IL1RAPL2: variants seen among roughly 807,000 people sequenced by gnomAD.
IL1RAPL2 encodes the protein X-linked interleukin-1 receptor accessory protein-like 2.
Under a neutral mutation model 44.1 loss-of-function variants are expected in IL1RAPL2, and 3 were observed. The ratio of observed to expected loss-of-function variants is 0.07; its 90% CI spans 0.03 to 0.18. The LOEUF is 0.18. IL1RAPL2 is among the 10% of genes least tolerant of loss of function. The pLI is 1.00. For missense variants in IL1RAPL2, 391 were observed against 496.4 expected (o/e 0.79, Z 2.02); for synonymous variants, 181 against 178.8 (o/e 1.01, Z -0.10).
At chrX:105,108,674 T>C (rs1442800378) in intron 2 of IL1RAPL2, among the ~76,000 whole-genome samples, 1 of 110,274 alleles carries the variant, frequency 9.1e-6, no homozygotes, top group Non-Finnish European at 1.9e-5. Flanking sequence ...AAATATACTT[T>C]GGCTATGTTA....
chrX:105,073,167 T>C (rs1482082770), intron 2 of IL1RAPL2, among the ~76,000 whole-genome samples: 11 of 101,235 alleles, frequency 1.1e-4, no homozygotes, highest in Non-Finnish European at 4.0e-5. Context: ...TAGCATTAGG[T>C]ATATCTCCTA....
At chrX:104,713,055 G>A (rs951324820) in intron 2 of IL1RAPL2, among the ~76,000 whole-genome samples, 7 of 110,992 alleles carry the variant, frequency 6.3e-5, no homozygotes, top group African/African-American at 2.3e-4. Flanking sequence ...TGTTTTAGGA[G>A]ACAAATGTCC....
intron 5 of IL1RAPL2, among the ~76,000 whole-genome samples, chrX:105,300,792 A>T (rs1216303635): frequency 1.8e-5 from 2 of 111,460 alleles, no homozygotes; most frequent in African/African-American, 6.5e-5. Context: ...AAAGGATCCT[A>T]GTAAACCAGT....
At chrX:104,742,084 C>T (rs1401283940) in intron 2 of IL1RAPL2, among the ~76,000 whole-genome samples, 10 of 110,931 alleles carry the variant, frequency 9.0e-5, no homozygotes, top group African/African-American at 3.3e-4. Flanking sequence ...ATTTAGTGAC[C>T]GTTTTGTCAT....
intron 2 of IL1RAPL2, among the ~76,000 whole-genome samples, chrX:105,027,798 A>G (rs1325564988): frequency 2.7e-5 from 3 of 111,637 alleles, no homozygotes; most frequent in Non-Finnish European, 5.7e-5. Context: ...AAATTGAGCT[A>G]CCATATGATC....
chrX:105,346,687 G>A (rs762162473), intron 5 of IL1RAPL2, among the ~76,000 whole-genome samples: 1 of 111,740 alleles, frequency 8.9e-6, no homozygotes, highest in African/African-American at 3.2e-5. Context: ...AGCTGAGATA[G>A]AGCTGGCTTT....
chrX:105,206,151 C>T (rs1293621172), intron 3 of IL1RAPL2, among the ~76,000 whole-genome samples: 1 of 111,304 alleles, frequency 9.0e-6, no homozygotes, highest in Non-Finnish European at 1.9e-5. Flanking sequence ...GATCATAGTA[C>T]CTACCTCAGA....
At chrX:105,103,713 G>T (rs1361869891) in intron 2 of IL1RAPL2, among the ~76,000 whole-genome samples, 1 of 111,384 alleles carries the variant, frequency 9.0e-6, no homozygotes, top group East Asian at 2.8e-4. Context: ...TAGGGTACTG[G>T]GACCAAGAAA....
intron 2 of IL1RAPL2, among the ~76,000 whole-genome samples, chrX:104,661,924 T>C (rs138175088): frequency 0.021 from 2,396 of 111,885 alleles, 33 homozygotes; most frequent in Non-Finnish European, 0.033. Flanking sequence ...GACTGTTTAG[T>C]GTCTGATGTG....
intron 5 of IL1RAPL2, among the ~76,000 whole-genome samples, chrX:105,332,714 T>C (rs1182545966): frequency 8.9e-6 from 1 of 112,102 alleles, no homozygotes; most frequent in Non-Finnish European, 1.9e-5. Context: ...GCATTTCTAA[T>C]GTCAACAGTT....
chrX:104,814,842 G>C (rs772492367), intron 2 of IL1RAPL2, among the ~76,000 whole-genome samples: 1 of 111,922 alleles, frequency 8.9e-6, no homozygotes, highest in African/African-American at 3.2e-5. Context: ...AGTTCTTTTT[G>C]GTTCTTATGC....
chrX:105,210,647 C>T (rs1258468260), intron 3 of IL1RAPL2, among the ~76,000 whole-genome samples: 1 of 111,565 alleles, frequency 9.0e-6, no homozygotes, highest in Non-Finnish European at 1.9e-5. Context: ...GGAAACCCTG[C>T]CCTAGAAGGA....
chrX:104,666,096 A>AGTGTGTGTGTGT (rs775436800), intron 2 of IL1RAPL2, among the ~76,000 whole-genome samples: 1 of 106,176 alleles, frequency 9.4e-6, no homozygotes, highest in African/African-American at 3.5e-5. Flanking sequence ...TAACCTTAAA[A>AGTGTGTGTGTGT]GTGTGTGTGT....
intron 2 of IL1RAPL2, among the ~76,000 whole-genome samples, chrX:104,895,058 CTG>C (rs1487294512): frequency 8.9e-6 from 1 of 112,564 alleles, no homozygotes; most frequent in African/African-American, 3.2e-5. Context: ...CCACTCCAGA[CTG>C]TGTTTTCCTG....
At chrX:104,668,351 T>G (rs773007276) in intron 2 of IL1RAPL2, among the ~76,000 whole-genome samples, 32 of 108,485 alleles carry the variant, frequency 2.9e-4, no homozygotes, top group East Asian at 1.2e-3. Flanking sequence ...TATACTTTAA[T>G]TTTTAGGGTA....
At chrX:105,266,326 G>C in intron 4 of IL1RAPL2, among the ~76,000 whole-genome samples, 1 of 111,231 alleles carries the variant, frequency 9.0e-6, no homozygotes, top group East Asian at 2.9e-4. Context: ...ACAGGCGTGA[G>C]CCACCGTGCC....
At chrX:104,661,947 A>G (rs370049363) in intron 2 of IL1RAPL2, among the ~76,000 whole-genome samples, 1 of 112,147 alleles carries the variant, frequency 8.9e-6, no homozygotes, top group African/African-American at 3.2e-5. Context: ...GATAGTTATA[A>G]TGATTTCTAT....
At chrX:105,450,347 C>G (rs770900581) in intron 5 of IL1RAPL2, among the ~76,000 whole-genome samples, 17 of 111,556 alleles carry the variant, frequency 1.5e-4, no homozygotes, top group Non-Finnish European at 2.8e-4. Flanking sequence ...GATTGTCCAC[C>G]TGATTTTTGG....
chrX:104,839,424 A>G (rs1380696106), intron 2 of IL1RAPL2, among the ~76,000 whole-genome samples: 1 of 111,987 alleles, frequency 8.9e-6, no homozygotes, highest in Non-Finnish European at 1.9e-5. Flanking sequence ...CTTGCATCCC[A>G]GGGATGAAGT....
Sources: gnomAD v4.1 joint callset for allele counts (sites outside exome capture counted in the v4.1 genomes callset) on GRCh38, gnomAD v4.1.1 for gene constraint, MANE v1.5 for transcripts, NCBI Gene and HGNC (gene_info 2026-07-23, HGNC 2026-07-21) for gene names.